Variants in MMADHC observed in about 807,000 individuals in gnomAD.
MMADHC encodes metabolism of cobalamin associated D.
Under a neutral mutation model 36.3 loss-of-function variants are expected in MMADHC, and 23 were observed. The observed-to-expected ratio is 0.63, with a 90% CI of 0.46 to 0.90. MMADHC has a LOEUF of 0.90. Ranked by LOEUF, MMADHC falls within the 40% of genes least tolerant of loss-of-function variation. MMADHC has a pLI of 0.00. For missense variants in MMADHC, 330 were observed against 348.0 expected (o/e 0.95, Z 0.41); for synonymous variants, 97 against 116.1 (o/e 0.84, Z 1.06).
rs1443677774 is a variant in MMADHC at position 149,571,134 on chromosome 2, C to T, written c.647G>A (p.Arg216Gln). 10 of 1,612,296 alleles carry T rather than the reference C, an allele frequency of 6.2e-6. No individual in the cohort carries two copies. Among genetic ancestry groups the T allele is most frequent in the East Asian group, 2.2e-5 (1 of 44,732 alleles). Residue 216 changes from arginine to glutamine, a missense_variant, in exon 7 of 8, where the codon CGA becomes CAA. By Grantham distance (43) the Arg-to-Gln change is conservative. Transcript: ENST00000303319. Reference sequence around the variant, plus strand: ...AAAGTCAGCCCAATAACCCTCAGCTCGAAGAGCATAGCAAATTTCCTTAGC... The same window carrying T: ...AAAGTCAGCCCAATAACCCTCAGCTTGAAGAGCATAGCAAATTTCCTTAGC... ...NGAKEICYALRAEGYWADFID... is the reference protein window; with the variant it reads ...NGAKEICYALQAEGYWADFID...
intron 4 of MMADHC, among the ~76,000 whole-genome samples, chr2:149,576,952 C>T (rs1682727303): frequency 6.6e-6 from 1 of 152,102 alleles, no homozygotes; most frequent in South Asian, 2.1e-4. Context: ...CTAAATAATA[C>T]AGCCTCTCCT....
chr2:149,582,180 G>A lies in MMADHC; in HGVS notation c.101C>T (p.Ala34Val). The change falls in exon 3 of 8, where the codon GCA becomes GTA. Residue 34 changes from alanine (A) to valine (V), a missense_variant. Transcript: ENST00000303319. ...RVVNPKAFST[A>V]GSSGSDESHV... ...AGACTCATCCGAACCTGATGATCCT[G>A]CAGTCGAAAAGGCTTTGGGATTGAC... 6.2e-7 allele frequency: 1 copy of A among 1,613,996 alleles called. No individual in the cohort carries two copies. Among genetic ancestry groups the A allele is most frequent in the Non-Finnish European group, 8.5e-7 (1 of 1,179,908 alleles).
chr2:149,570,599 A>T (rs1205593439), intron 7 of MMADHC, among the ~76,000 whole-genome samples: 2 of 152,202 alleles, frequency 1.3e-5, no homozygotes, highest in East Asian at 3.8e-4. Flanking sequence ...TTACAGAAAG[A>T]TATATCCAGA....
In MMADHC at chr2:149,580,195, C is replaced by T. The variant is rs368075827; in HGVS notation, c.155-547G>A. Among the ~76,000 whole-genome samples, 4 of 152,202 alleles carry T rather than the reference C, an allele frequency of 2.6e-5. No individual in the cohort carries two copies. In the East Asian group the frequency reaches 7.7e-4, roughly 29 times the overall value. ...TAATTTTGTTTATTTTTGGTAGACA[C>T]AAGGTCTCCTCCTCCCTCAGCCTCC... On this transcript the variant is annotated intron_variant, in intron 3 of 7. Transcript: ENST00000303319.
Position 149,579,496 on chromosome 2 carries a change from G to A in MMADHC, c.307C>T (p.Leu103=). Residue 103 remains leucine (L), a synonymous_variant, in exon 4 of 8, where the codon CTA becomes TTA. Coordinates refer to ENST00000303319, the MANE Select transcript of MMADHC (RefSeq NM_015702.3). ...CTTTCACTTGATAAAGGTTCTGCTA[G>A]AACATCAGGCAAAGTTTTATGAACC... ...SLVHKTLPDV[L]AEPLSSERHE... The A allele has an allele frequency of 7.4e-6, 12 of 1,612,954 alleles. No homozygotes were observed. The highest frequency in any genetic ancestry group is 1.0e-5 in the Non-Finnish European group (12 of 1,179,962).
At chr2:149,579,320 CT>C in intron 4 of MMADHC, 110 bp downstream of exon 4, 1 of 1,017,796 alleles carries the variant, frequency 9.8e-7, no homozygotes, top group South Asian at 1.4e-5. Flanking sequence ...TATACATGTA[CT>C]GGAATTAAAT....
intron 2 of MMADHC, among the ~76,000 whole-genome samples, chr2:149,584,066 C>T (rs1211888733): frequency 1.3e-5 from 2 of 152,040 alleles, no homozygotes; most frequent in African/African-American, 4.8e-5. Flanking sequence ...CCCAACTTGC[C>T]CAAAGAAACA....
chr2:149,578,983 T>C (rs72867240), intron 4 of MMADHC, among the ~76,000 whole-genome samples: 7,914 of 148,634 alleles, frequency 0.053, 225 homozygotes, highest in Middle Eastern at 0.098. Context: ...ATGAAACTGG[T>C]TCCTTTTTTT....
intron 6 of MMADHC, chr2:149,572,110 T>A (rs1183597786): frequency 3.2e-6 from 1 of 310,998 alleles, no homozygotes; most frequent in African/African-American, 2.3e-5. Flanking sequence ...TTATAAGATA[T>A]TTTATTAGCT....
chr2:149,572,910 T>C (rs1682664927), intron 6 of MMADHC, among the ~76,000 whole-genome samples: 1 of 152,092 alleles, frequency 6.6e-6, no homozygotes, highest in Non-Finnish European at 1.5e-5. Context: ...ATCAAGACTA[T>C]ATTGTAATTC....
chr2:149,573,570 A>G (rs1682674292), intron 6 of MMADHC, among the ~76,000 whole-genome samples: 2 of 152,156 alleles, frequency 1.3e-5, no homozygotes, highest in Admixed American at 1.3e-4. Context: ...AACACCCTTT[A>G]TAGAAAAAGT....
At position 149,569,971 on chromosome 2, in the gene MMADHC, C is replaced by G; in HGVS notation, c.*3G>C. ...TAGTACAGCAAATGAATGGATATTT[C>G]TGCTAATTTCCACTTAATTTCTTCA... is the stretch of plus-strand genomic sequence containing the variant. On this transcript the variant is annotated 3_prime_UTR_variant, in exon 8 of 8. Coordinates refer to ENST00000303319, the MANE Select transcript of MMADHC (RefSeq NM_015702.3). 1.9e-6 allele frequency: 3 copies of G among 1,610,822 alleles called. No homozygotes were observed. The highest frequency in any genetic ancestry group is 1.7e-4 in the Middle Eastern group (1 of 6,046).
intron 4 of MMADHC, among the ~76,000 whole-genome samples, chr2:149,578,797 C>A (rs1281535290): frequency 1.3e-5 from 2 of 151,712 alleles, no homozygotes; most frequent in East Asian, 3.9e-4. Flanking sequence ...AAAAACTCAG[C>A]CTAAAACTAT....
intron 1 of MMADHC, 134 bp from the exon 2 acceptor site, chr2:149,587,283 A>C: frequency 1.5e-6 from 1 of 653,564 alleles, no homozygotes; most frequent in East Asian, 2.7e-5. Flanking sequence ...CCGTACCCTA[A>C]GGAGGCCAGA....
chr2:149,581,858 C>A (rs1682798728), intron 3 of MMADHC, among the ~76,000 whole-genome samples: 2 of 152,032 alleles, frequency 1.3e-5, no homozygotes, highest in African/African-American at 2.4e-5. Context: ...TTTAACAGGA[C>A]CAAAAGGAGA....
intron 7 of MMADHC, among the ~76,000 whole-genome samples, chr2:149,570,501 C>T (rs1682623060): frequency 6.6e-6 from 1 of 152,090 alleles, no homozygotes; most frequent in Non-Finnish European, 1.5e-5. Flanking sequence ...AAAAGTTTTC[C>T]ATTTCTCGAT....
chr2:149,587,385 G>A (rs903733547), intron 1 of MMADHC: 2 of 526,208 alleles, frequency 3.8e-6, no homozygotes, highest in Non-Finnish European at 6.8e-6. Context: ...AAAACAACTC[G>A]GACCAGATCC....
chr2:149,575,880 T>C, intron 5 of MMADHC, 39 bp from the exon 6 acceptor site: 1 of 1,511,886 alleles, frequency 6.6e-7, no homozygotes, highest in Non-Finnish European at 9.0e-7. Context: ...GAAAAGAATT[T>C]GATTTTTAAA....
chr2:149,577,483 T>C (rs747430180), intron 4 of MMADHC, among the ~76,000 whole-genome samples: 28 of 152,220 alleles, frequency 1.8e-4, no homozygotes, highest in Non-Finnish European at 2.6e-4. Context: ...ATTAAGAAAT[T>C]TGGACTTTAG....
Sources: allele counts gnomAD v4.1 joint callset (sites outside exome capture counted in the v4.1 genomes callset), GRCh38; gene constraint gnomAD v4.1.1; transcripts MANE v1.5; gene names NCBI Gene and HGNC (gene_info 2026-07-23, HGNC 2026-07-21).